POSTN: variants seen among roughly 807,000 people sequenced by gnomAD.
POSTN encodes periostin, also known as osteoblast specific factor 2 (fasciclin I-like).
In POSTN, 71 loss-of-function variants were observed where a neutral mutation model predicts 104.5. The ratio of observed to expected loss-of-function variants is 0.68; its 90% CI spans 0.56 to 0.83. The LOEUF is 0.83. POSTN is among the 40% of genes least tolerant of loss of function. The pLI, the probability that POSTN is intolerant of heterozygous loss-of-function variation, is 0.00. For synonymous variants in POSTN, 355 were observed against 340.7 expected, an observed-to-expected ratio of 1.04 and a Z score of -0.46; for missense variants, 949 against 1,006.8, an observed-to-expected ratio of 0.94 and a Z score of 0.78.
At chr13:37,580,886 C>T (rs1477699284) in intron 10 of POSTN, among the ~76,000 whole-genome samples, 189 bp from the exon 11 acceptor site, 1 of 152,118 alleles carries the variant, frequency 6.6e-6, no homozygotes, top group Non-Finnish European at 1.5e-5. Context: ...TCTTATCTAG[C>T]CGGGTTTTTT....
intron 12 of POSTN, 143 bp downstream of exon 12, chr13:37,579,718 T>C: frequency 2.2e-6 from 2 of 928,600 alleles, no homozygotes; most frequent in East Asian, 2.7e-5. Flanking sequence ...ACATCCCAAG[T>C]GGACGAAATA....
At chr13:37,586,345 C>A in intron 6 of POSTN, 65 bp from the exon 7 acceptor site, 1 of 1,526,010 alleles carries the variant, frequency 6.6e-7, no homozygotes, top group Non-Finnish European at 8.9e-7. Flanking sequence ...TTGCAACACA[C>A]TTAGCCTAGG....
chr13:37,588,030 A>G, intron 4 of POSTN, 44 bp from the exon 5 acceptor site: 1 of 1,471,234 alleles, frequency 6.8e-7, no homozygotes, highest in South Asian at 1.2e-5. Flanking sequence ...ATTGTGGAAC[A>G]TTAGTAAAAG....
intron 1 of POSTN, among the ~76,000 whole-genome samples, chr13:37,597,911 T>C (rs1388906087): frequency 6.6e-6 from 1 of 152,188 alleles, no homozygotes; most frequent in Non-Finnish European, 1.5e-5. Context: ...GAAGTCTTTT[T>C]TCACTGTAAG....
chr13:37,590,818 ATAAT>A (rs1267103786), intron 3 of POSTN, among the ~76,000 whole-genome samples: 1 of 152,174 alleles, frequency 6.6e-6, no homozygotes, highest in Non-Finnish European at 1.5e-5. Flanking sequence ...TATGTCAATA[ATAAT>A]TCAATTATAA....
chr13:37,569,270 A>T, intron 21 of POSTN, 30 bp downstream of exon 21: 1 of 1,528,316 alleles, frequency 6.5e-7, no homozygotes, highest in Non-Finnish European at 9.1e-7. Flanking sequence ...AGAACCTGTT[A>T]AGGGGGTTAG....
rs1340633954 is a variant in POSTN, at chr13:37,571,465, C to A, written c.2090-7G>T. 6.3e-7 allele frequency: 1 copy of A among 1,579,612 alleles called. No homozygotes were observed. The highest frequency in any genetic ancestry group is 8.7e-7 in the Non-Finnish European group (1 of 1,150,646). On this transcript the variant is annotated splice_region_variant and splice_polypyrimidine_tract_variant and intron_variant, in intron 17 of 22. Transcript: ENST00000379747. ...ACTTTTGTTAGTGTGGGTCCTGGGA[C>A]ATTATTTTAGGAGACAAATTATCAT...
intron 9 of POSTN, among the ~76,000 whole-genome samples, chr13:37,582,977 A>G (rs1950639991): frequency 6.6e-6 from 1 of 152,250 alleles, no homozygotes; most frequent in Non-Finnish European, 1.5e-5. Context: ...GGATTATTAC[A>G]AAGAAGAAAG....
At chr13:37,586,632 G>A (rs1950753363) in intron 6 of POSTN, 150 bp downstream of exon 6, 3 of 723,422 alleles carry the variant, frequency 4.1e-6, no homozygotes, top group African/African-American at 3.6e-5. Flanking sequence ...ATATGAGATG[G>A]TTTCTTCTGT....
Position 37,598,634 on chromosome 13 carries a change from A to G in POSTN, c.93T>C (p.His31=), listed in dbSNP as rs564351937. ...CTTGGTCCCGACCCCTGATACGACT[A>G]TGAGCCAAGATCTTGTCATAATGAT... ...ANNHYDKILA[H]SRIRGRDQGP... Residue 31 remains histidine, a synonymous_variant, in exon 1 of 23, where the codon CAT becomes CAC. Coordinates refer to ENST00000379747, the MANE Select transcript of POSTN (RefSeq NM_006475.3). 1 of 1,613,280 alleles carries G rather than the reference A, an allele frequency of 6.2e-7. No homozygotes were observed. The highest frequency in any genetic ancestry group is 1.1e-5 in the South Asian group (1 of 91,014).
Position 37,590,473 on chromosome 13 carries a change from G to C in POSTN, c.340C>G (p.Gln114Glu). Residue 114 changes from glutamine (Q) to glutamate (E), a missense_variant, in exon 4 of 23, where the codon CAG (glutamine) becomes GAG (glutamate). Transcript: ENST00000379747. ...TLGIVGATTT[Q>E]RYSDASKLRE... ...AGTTTTGAGGCGTCAGAATAGCGCT[G>C]CGTTGTGGTGGCTCCCACGATGCCC... The C allele has an allele frequency of 6.2e-7, 1 of 1,613,180 alleles. No individual in the cohort carries two copies. Among genetic ancestry groups the C allele is most frequent in the Non-Finnish European group, 8.5e-7 (1 of 1,179,388 alleles).
In POSTN at chr13:37,562,973, G is replaced by T. The variant is rs916583554; in HGVS notation, c.*360C>A. 2.5e-4 allele frequency: 41 copies of T among 163,832 alleles called. No homozygotes were observed. Among genetic ancestry groups the T allele is most frequent in the Non-Finnish European group, 4.9e-4 (37 of 75,800 alleles). 10.1% of individuals were successfully genotyped at this position (163,832 alleles called of 1,614,324 possible). A position where few individuals can be genotyped will look rare whatever the true frequency, so the allele number is the denominator to read the frequency against. ...TATGTATCCATAACATACATACAAG[G>T]CTCGGTCTTTTCAATGGGATAACAG... On this transcript the variant is annotated 3_prime_UTR_variant, in exon 23 of 23. Coordinates refer to ENST00000379747, the MANE Select transcript of POSTN (RefSeq NM_006475.3).
intron 3 of POSTN, among the ~76,000 whole-genome samples, chr13:37,591,893 G>A (rs530679251): frequency 9.2e-5 from 14 of 152,066 alleles, no homozygotes; most frequent in Non-Finnish European, 1.9e-4. Context: ...CTAAGTTTCT[G>A]TTGTATTGCC....
chr13:37,569,193 T>A, intron 21 of POSTN, 107 bp downstream of exon 21: 1 of 729,018 alleles, frequency 1.4e-6, no homozygotes, highest in Non-Finnish European at 2.3e-6. Flanking sequence ...GTTGTCTTTT[T>A]TTTTTTTAAC....
Position 37,596,949 on chromosome 13 carries a change from T to G in POSTN, c.218+235A>C, listed in dbSNP as rs183581537. Reference sequence around the variant, plus strand: ...CCAATCCTGAGCCATGTGATCTGCTTCCTTCTGGCCTCCATGTCACATGGA... The same window carrying G: ...CCAATCCTGAGCCATGTGATCTGCTGCCTTCTGGCCTCCATGTCACATGGA... On this transcript the variant is annotated intron_variant, in intron 2 of 22. Transcript: ENST00000379747. Among the ~76,000 whole-genome samples, 1,303 of 152,138 alleles carry G rather than the reference T, an allele frequency of 8.6e-3. 12 individuals are homozygous for G. The highest frequency in any genetic ancestry group is 0.011 in the Non-Finnish European group (753 of 67,966).
At chr13:37,585,007 G>A (rs966514352) in intron 7 of POSTN, 79 bp from the exon 8 acceptor site, 1 of 1,543,528 alleles carries the variant, frequency 6.5e-7, no homozygotes, top group Non-Finnish European at 8.7e-7. Context: ...GTTTCACTGT[G>A]GAACTAAGTA....
At chr13:37,579,179 T>C in intron 13 of POSTN, 50 bp downstream of exon 13, 1 of 1,603,418 alleles carries the variant, frequency 6.2e-7, no homozygotes, top group Non-Finnish European at 8.5e-7. Context: ...AATATTTAGA[T>C]AACTTAATGA....
Position 37,564,537 on chromosome 13 carries a change from C to T in POSTN, c.2455G>A (p.Ala819Thr), listed in dbSNP as rs1328449987. 19 of 1,601,182 alleles carry T rather than the reference C, an allele frequency of 1.2e-5. No homozygotes were observed. Among genetic ancestry groups the T allele is most frequent in the Non-Finnish European group, 1.6e-5 (19 of 1,170,432 alleles). The change falls in exon 22 of 23, where the codon GCC becomes ACC. Residue 819 changes from alanine (A) to threonine (T), a missense_variant. Coordinates refer to ENST00000379747, the MANE Select transcript of POSTN (RefSeq NM_006475.3). ...QGDTPVRKLQ[A>T]NKKVQGSRRR... Reference sequence around the variant, plus strand: ...CACTTACCTTGAACTTTTTTGTTGGCTTGCAACTTCCTCACGGGTGTGTCT... The same window carrying T: ...CACTTACCTTGAACTTTTTTGTTGGTTTGCAACTTCCTCACGGGTGTGTCT...
chr13:37,590,387 CCAAGCCTCATTA>C lies in POSTN; in HGVS notation c.414_425del (p.Ser138_Trp142delinsArg). 6.3e-7 allele frequency: 1 copy of C among 1,580,838 alleles called. No homozygotes were observed. Among genetic ancestry groups the C allele is most frequent in the East Asian group, 2.3e-5 (1 of 43,768 alleles). On this transcript the variant is annotated inframe_deletion, in exon 4 of 23. Coordinates refer to ENST00000379747, the MANE Select transcript of POSTN (RefSeq NM_006475.3). ...AATGAATTACAGAATCCAAGTTGTC[CCAAGCCTCATTA>C]CTCGGTGCAAAGTAAGTGAAGGATC...
Sources: allele counts gnomAD v4.1 joint callset (sites outside exome capture counted in the v4.1 genomes callset), GRCh38; gene constraint gnomAD v4.1.1; transcripts MANE v1.5; gene names NCBI Gene and HGNC (gene_info 2026-07-23, HGNC 2026-07-21).